The following CDC5L variants were observed in gnomAD, a reference collection of about 807,000 sequenced individuals.
CDC5L encodes the protein cell division cycle 5-like protein.
A neutral mutation model predicts 104.1 loss-of-function variants in CDC5L; 18 were observed. The observed-to-expected ratio is 0.17, with a 90% CI of 0.12 to 0.26. The LOEUF (loss-of-function observed/expected upper bound fraction) is 0.26. Among genes scored for constraint, CDC5L ranks in the 10% least tolerant of loss-of-function variants. The pLI, the probability that CDC5L is intolerant of heterozygous loss-of-function variation, is 1.00. For missense variants in CDC5L, 673 were observed against 956.9 expected (o/e 0.70, Z 3.91); for synonymous variants, 331 against 322.7 (o/e 1.03, Z -0.28).
intron 4 of CDC5L, 104 bp downstream of exon 4, chr6:44,393,677 T>A (rs1790725236): frequency 8.3e-7 from 1 of 1,200,392 alleles, no homozygotes; most frequent in Non-Finnish European, 1.1e-6. Flanking sequence ...AATCCCTTTT[T>A]TTTTTGAGAC....
At chr6:44,432,753 G>T (rs911956269) in intron 14 of CDC5L, among the ~76,000 whole-genome samples, 1 of 152,172 alleles carries the variant, frequency 6.6e-6, no homozygotes, top group Non-Finnish European at 1.5e-5. Context: ...AAGTGGAAAA[G>T]ACTTCTGAAT....
intron 8 of CDC5L, 37 bp downstream of exon 8, chr6:44,408,669 G>T: frequency 1.4e-6 from 2 of 1,470,912 alleles, no homozygotes; most frequent in Non-Finnish European, 1.9e-6. Flanking sequence ...CTTTTACTTT[G>T]TTTATTGTCC....
chr6:44,409,061 CT>C (rs755014834), intron 8 of CDC5L, among the ~76,000 whole-genome samples: 3 of 152,218 alleles, frequency 2.0e-5, no homozygotes, highest in Non-Finnish European at 4.4e-5. Flanking sequence ...CCCAGGGTGT[CT>C]GTATACCAGA....
intron 6 of CDC5L, among the ~76,000 whole-genome samples, chr6:44,404,649 T>A (rs1227641313): frequency 6.6e-6 from 1 of 152,178 alleles, no homozygotes. Context: ...GTTTTACTAG[T>A]GGCTGAGGAA....
chr6:44,398,032 C>A (rs1790949559), intron 5 of CDC5L, among the ~76,000 whole-genome samples: 1 of 152,138 alleles, frequency 6.6e-6, no homozygotes, highest in South Asian at 2.1e-4. Context: ...TCTTCTTGAC[C>A]TGATGACCAG....
chr6:44,393,788 C>G (rs1479619784), intron 4 of CDC5L, among the ~76,000 whole-genome samples: 1 of 152,124 alleles, frequency 6.6e-6, no homozygotes, highest in Non-Finnish European at 1.5e-5. Context: ...TCTCAGCCTC[C>G]TGAGTAGTTG....
In CDC5L at chr6:44,387,728, TGGA is replaced by T. The variant is rs1790390615; in HGVS notation, c.-92_-90del. ...GATCTTCAAAGCAGAAGGTCGCGCT[TGGA>T]GGAAGTGGCGGCTTTGAGTCCGGTG... On this transcript the variant is annotated 5_prime_UTR_variant, in exon 1 of 16. Transcript: ENST00000371477. The T allele has an allele frequency of 2.7e-6, 3 of 1,100,552 alleles. No individual in the cohort carries two copies. The African/African-American group carries it at 4.7e-5, about 17-fold the overall frequency. The allele number at this position is 1,100,552 out of a possible 1,614,324, so 68.2% of individuals were successfully genotyped here. A position where few individuals can be genotyped will look rare whatever the true frequency, so the allele number is the denominator to read the frequency against.
Position 44,419,577 on chromosome 6 carries a change from A to C in CDC5L, c.1221A>C (p.Thr407=). 2 of 1,613,488 alleles carry C rather than the reference A, an allele frequency of 1.2e-6. No homozygotes were observed. The highest frequency in any genetic ancestry group is 2.2e-5 in the South Asian group (2 of 91,048). Residue 407 remains threonine, a synonymous_variant, in exon 9 of 16, where the codon ACA becomes ACC. Coordinates refer to ENST00000371477, the MANE Select transcript of CDC5L (RefSeq NM_001253.4). ...GACAAGTTGTACAGACTCCAAACACAGTTCTCTCTACTCCATTCAGGTATT... is the reference window on the plus strand; with the variant it reads ...GACAAGTTGTACAGACTCCAAACACCGTTCTCTCTACTCCATTCAGGTATT... ...PQRQVVQTPN[T]VLSTPFRTPS...
intron 1 of CDC5L, among the ~76,000 whole-genome samples, chr6:44,388,743 C>G (rs2153372859): frequency 6.7e-6 from 1 of 150,354 alleles, no homozygotes; most frequent in Non-Finnish European, 1.5e-5. Flanking sequence ...TCCTTCAAAC[C>G]TAGTTCGGAA....
rs770680212 is a variant in CDC5L at position 44,406,483 on chromosome 6, C to A, written c.903+16C>A. On this transcript the variant is annotated intron_variant, in intron 7 of 15. Transcript: ENST00000371477. ...TGCCCCTCAGGTAATCTGATAAAAGCAAATTTTTCACTATGTGAATTTATA... is the reference window on the plus strand; with the variant it reads ...TGCCCCTCAGGTAATCTGATAAAAGAAAATTTTTCACTATGTGAATTTATA... The A allele has an allele frequency of 2.5e-6, 4 of 1,593,366 alleles. No individual in the cohort carries two copies. The African/African-American group carries it at 5.4e-5, about 22-fold the overall frequency.
intron 14 of CDC5L, among the ~76,000 whole-genome samples, chr6:44,434,556 G>A (rs1205734107): frequency 6.6e-6 from 1 of 152,152 alleles, no homozygotes; most frequent in African/African-American, 2.4e-5. Flanking sequence ...GGACTGGGAA[G>A]TGGAGCTCCC....
Position 44,424,435 on chromosome 6 carries a change from A to G in CDC5L, c.1421A>G (p.Glu474Gly). The part of the protein sequence containing the change: ...YVKQMERESR[E>G]HLRLGLLGLP... ...TTTCTACAGGAAAGAGAATCCCGAG[A>G]ACATCTCCGTTTAGGGTTGTTGGGC... Residue 474 changes from glutamate to glycine, a missense_variant, in exon 11 of 16, where the codon GAA (glutamate) becomes GGA (glycine). Transcript: ENST00000371477. 1 of 1,613,406 alleles carries G rather than the reference A, an allele frequency of 6.2e-7. No individual in the cohort carries two copies. Among genetic ancestry groups the G allele is most frequent in the Non-Finnish European group, 8.5e-7 (1 of 1,179,442 alleles).
intron 3 of CDC5L, 109 bp from the exon 4 acceptor site, chr6:44,393,337 C>T: frequency 1.1e-6 from 1 of 936,762 alleles, no homozygotes; most frequent in Non-Finnish European, 1.6e-6. Context: ...TGTTAAAGCC[C>T]ATCCATTGGT....
intron 6 of CDC5L, among the ~76,000 whole-genome samples, chr6:44,404,647 A>C (rs1362646824): frequency 1.3e-5 from 2 of 152,128 alleles, no homozygotes; most frequent in African/African-American, 4.8e-5. Flanking sequence ...TAGTTTTACT[A>C]GTGGCTGAGG....
chr6:44,434,860 T>C (rs1319204796), intron 14 of CDC5L, among the ~76,000 whole-genome samples: 3 of 152,202 alleles, frequency 2.0e-5, no homozygotes, highest in African/African-American at 7.2e-5. Context: ...ATGGTTCCAC[T>C]GATTCATCTC....
chr6:44,413,251 G>A (rs533398767), intron 8 of CDC5L, among the ~76,000 whole-genome samples: 33 of 152,278 alleles, frequency 2.2e-4, no homozygotes, highest in African/African-American at 7.9e-4. Context: ...AATATATGAT[G>A]TTTTGTGACT....
intron 8 of CDC5L, among the ~76,000 whole-genome samples, chr6:44,412,052 CAG>C (rs774570384): frequency 1.3e-5 from 2 of 152,174 alleles, no homozygotes; most frequent in African/African-American, 2.4e-5. Flanking sequence ...CTGTTAATAA[CAG>C]GGGGCAATAA....
At chr6:44,408,267 GT>G (rs375757131) in intron 7 of CDC5L, among the ~76,000 whole-genome samples, 176 bp from the exon 8 acceptor site, 2,138 of 138,282 alleles carry the variant, frequency 0.015, 24 homozygotes, top group Middle Eastern at 0.06. Flanking sequence ...TAAAATGTTG[GT>G]TTTTTTTTTT....
At chr6:44,433,177 G>A (rs1202931098) in intron 14 of CDC5L, among the ~76,000 whole-genome samples, 4 of 152,106 alleles carry the variant, frequency 2.6e-5, no homozygotes, top group Non-Finnish European at 5.9e-5. Context: ...AATTATTACT[G>A]CCTATCTACC....
Sources: gnomAD v4.1 joint callset for allele counts (sites outside exome capture counted in the v4.1 genomes callset) on GRCh38, gnomAD v4.1.1 for gene constraint, MANE v1.5 for transcripts, NCBI Gene and HGNC (gene_info 2026-07-23, HGNC 2026-07-21) for gene names.